EXT2: variants seen among roughly 807,000 people sequenced by gnomAD.
EXT2 encodes the protein exostosin glycosyltransferase 2, also known as exostosin-2.
EXT2 carries 53 observed loss-of-function variants against 81.6 expected under a neutral mutation model. That is an observed-to-expected ratio of 0.65 (90% CI 0.52 to 0.82). EXT2 has a LOEUF of 0.82. Among genes scored for constraint, EXT2 ranks in the 40% least tolerant of loss-of-function variants. The pLI is 0.00. For missense variants in EXT2, 774 were observed against 910.2 expected (o/e 0.85, Z 1.93); for synonymous variants, 320 against 340.0 (o/e 0.94, Z 0.65).
intron 7 of EXT2, among the ~76,000 whole-genome samples, chr11:44,166,788 T>G (rs7124778): frequency 0.21 from 32,671 of 152,106 alleles, 3,888 homozygotes; most frequent in Non-Finnish European, 0.28. Flanking sequence ...TAGATCTGAA[T>G]GAAGCTGGAG....
intron 1 of EXT2, 120 bp downstream of exon 1, chr11:44,095,972 G>A: frequency 2.1e-6 from 1 of 466,400 alleles, no homozygotes; most frequent in South Asian, 2.0e-5. Flanking sequence ...GAGGCTCCGT[G>A]GAGGCCCGTG....
At chr11:44,119,321 G>A (rs1435932543) in intron 4 of EXT2, among the ~76,000 whole-genome samples, 5 of 151,488 alleles carry the variant, frequency 3.3e-5, no homozygotes, top group South Asian at 4.2e-4. Context: ...GACTTATTAC[G>A]GCAAAAGGAT....
intron 10 of EXT2, among the ~76,000 whole-genome samples, chr11:44,214,144 C>T (rs1489342890): frequency 6.6e-6 from 1 of 151,770 alleles, no homozygotes. Context: ...GAGACGGAGT[C>T]TCTCTGTCGC....
intron 13 of EXT2, among the ~76,000 whole-genome samples, chr11:44,236,770 C>T (rs1315743691): frequency 6.6e-6 from 1 of 152,148 alleles, no homozygotes; most frequent in African/African-American, 2.4e-5. Flanking sequence ...ACCAAACCCA[C>T]CAGAGACAAA....
chr11:44,224,632 GT>G (rs1368488383), intron 10 of EXT2, among the ~76,000 whole-genome samples: 3 of 152,092 alleles, frequency 2.0e-5, no homozygotes, highest in Non-Finnish European at 4.4e-5. Flanking sequence ...ATTAAATAAT[GT>G]TTTGGGAAGC....
At position 44,244,503 on chromosome 11, in the gene EXT2, T is replaced by C; in HGVS notation, c.*216T>C. On this transcript the variant is annotated 3_prime_UTR_variant, in exon 14 of 14. Coordinates refer to ENST00000533608, the MANE Select transcript of EXT2 (RefSeq NM_207122.2). ...GCAACCTCTGTTCTTGTATTTCTTA[T>C]GATCTCTGATGGGTTCTTCTCGAAA... The C allele has an allele frequency of 1.8e-6, 1 of 564,344 alleles. No individual in the cohort carries two copies. The highest frequency in any genetic ancestry group is 3.0e-5 in the Admixed American group (1 of 33,174). 35.0% of individuals were successfully genotyped at this position (564,344 alleles called of 1,614,324 possible). A position where few individuals can be genotyped will look rare whatever the true frequency, so the allele number is the denominator to read the frequency against.
At chr11:44,175,403 T>TC (rs1955145475) in intron 8 of EXT2, among the ~76,000 whole-genome samples, 1 of 151,768 alleles carries the variant, frequency 6.6e-6, no homozygotes, top group Non-Finnish European at 1.5e-5. Flanking sequence ...TTTTTTTTTT[T>TC]CCTGTTCTCT....
chr11:44,127,339 C>T (rs751922598), intron 6 of EXT2, among the ~76,000 whole-genome samples: 17 of 152,266 alleles, frequency 1.1e-4, no homozygotes, highest in Admixed American at 2.6e-4. Flanking sequence ...TGTTTGGAGC[C>T]GGGCTGCACA....
At chr11:44,161,323 CT>C (rs1269343734) in intron 7 of EXT2, among the ~76,000 whole-genome samples, 1 of 152,098 alleles carries the variant, frequency 6.6e-6, no homozygotes, top group Non-Finnish European at 1.5e-5. Flanking sequence ...GAATGCCATA[CT>C]TTATGTATGT....
At chr11:44,120,111 T>A (rs1479658832) in intron 4 of EXT2, among the ~76,000 whole-genome samples, 1 of 152,232 alleles carries the variant, frequency 6.6e-6, no homozygotes, top group Non-Finnish European at 1.5e-5. Flanking sequence ...GTAAAACTCA[T>A]TTTCAAATAA....
At chr11:44,205,079 G>A (rs1471920018) in intron 9 of EXT2, among the ~76,000 whole-genome samples, 1 of 152,148 alleles carries the variant, frequency 6.6e-6, no homozygotes, top group Non-Finnish European at 1.5e-5. Flanking sequence ...ACAGACTTAG[G>A]TTCAAATACT....
At chr11:44,174,605 C>A (rs4755232) in intron 8 of EXT2, among the ~76,000 whole-genome samples, 137,876 of 152,164 alleles carry the variant, frequency 0.91, 62,606 homozygotes, top group East Asian at 0.99. Flanking sequence ...CTGTTACTGA[C>A]CTCTACAGTT....
intron 7 of EXT2, among the ~76,000 whole-genome samples, chr11:44,155,690 G>A (rs1464089218): frequency 6.6e-6 from 1 of 151,962 alleles, no homozygotes; most frequent in East Asian, 1.9e-4. Context: ...TTATGATACT[G>A]CCTATGTCTT....
At chr11:44,144,408 C>A in intron 7 of EXT2, 1 of 1,344,084 alleles carries the variant, frequency 7.4e-7, no homozygotes, top group Non-Finnish European at 1.0e-6. Context: ...GAAGGCTTGA[C>A]CAAACACAGT....
intron 8 of EXT2, among the ~76,000 whole-genome samples, chr11:44,181,919 C>T (rs564769107): frequency 6.6e-6 from 1 of 152,282 alleles, no homozygotes; most frequent in South Asian, 2.1e-4. Flanking sequence ...TAAGGCTTGT[C>T]AAGCAATGGG....
chr11:44,218,143 T>G (rs1384044745), intron 10 of EXT2, among the ~76,000 whole-genome samples: 5 of 152,240 alleles, frequency 3.3e-5, no homozygotes, highest in Non-Finnish European at 4.4e-5. Flanking sequence ...TTGTATTACT[T>G]TGTTCACAAC....
At chr11:44,125,531 A>G (rs1565204063) in intron 5 of EXT2, among the ~76,000 whole-genome samples, 2 of 152,148 alleles carry the variant, frequency 1.3e-5, no homozygotes, top group Non-Finnish European at 2.9e-5. Context: ...AACCATAGGG[A>G]AAGCGGTCTC....
chr11:44,192,793 A>G (rs1178297114), intron 8 of EXT2, among the ~76,000 whole-genome samples: 1 of 152,176 alleles, frequency 6.6e-6, no homozygotes. Context: ...CCTCTGTTAA[A>G]TATCTCTATA....
rs553548044 is a variant in EXT2 at position 44,178,473 on chromosome 11, T to C, written c.1305+6731T>C. 2.8e-4 allele frequency among the ~76,000 whole-genome samples: 42 copies of C among 152,274 alleles called. 1 individual carries two copies. The South Asian group carries it at 5.2e-3, about 19-fold the overall frequency. ...GGGTTCAGACTAAATCTGTCTCAGC[T>C]ACATGAAAAACTCAGGGCTGCCTAT... On this transcript the variant is annotated intron_variant, in intron 8 of 13. Transcript: ENST00000533608.
Sources: gnomAD v4.1 joint callset for allele counts (sites outside exome capture counted in the v4.1 genomes callset) on GRCh38, gnomAD v4.1.1 for gene constraint, MANE v1.5 for transcripts, NCBI Gene and HGNC (gene_info 2026-07-23, HGNC 2026-07-21) for gene names.